BDNF: variants seen among roughly 807,000 people sequenced by gnomAD.
BDNF encodes neurotrophic factor BDNF precursor form.
Under a neutral mutation model 19.5 loss-of-function variants are expected in BDNF, and 1 was observed. That is an observed-to-expected ratio of 0.05 (90% CI 0.02 to 0.24). BDNF has a LOEUF of 0.24. Among genes scored for constraint, BDNF ranks in the 10% least tolerant of loss-of-function variants. The pLI is 1.00. For missense variants in BDNF, 195 were observed against 317.6 expected, an observed-to-expected ratio of 0.61 and a Z score of 2.93; for synonymous variants, 100 against 121.6, an observed-to-expected ratio of 0.82 and a Z score of 1.17.
chr11:27,663,383 G>T (rs1359116256), intron 1 of BDNF, among the ~76,000 whole-genome samples: 1 of 152,160 alleles, frequency 6.6e-6, no homozygotes, highest in South Asian at 2.1e-4. Context: ...ATTCAATATA[G>T]TACATAGAAC....
intron 1 of BDNF, among the ~76,000 whole-genome samples, chr11:27,707,552 T>C (rs1043338910): frequency 6.6e-6 from 1 of 152,174 alleles, no homozygotes; most frequent in African/African-American, 2.4e-5. Flanking sequence ...TTGCTGTAAG[T>C]AGGTACTTCT....
chr11:27,687,125 A>C (rs1308938584), intron 1 of BDNF, among the ~76,000 whole-genome samples: 1 of 151,526 alleles, frequency 6.6e-6, no homozygotes, highest in African/African-American at 2.4e-5. Context: ...TTTTTTCTCT[A>C]ATCTTGTCTT....
chr11:27,715,593 A>C (rs1437767034), intron 1 of BDNF, among the ~76,000 whole-genome samples: 1 of 152,230 alleles, frequency 6.6e-6, no homozygotes, highest in East Asian at 1.9e-4. Flanking sequence ...ATTTGTAAAA[A>C]ATGTTTTTAA....
Position 27,657,007 on chromosome 11 carries a change from C to CAGCTT in BDNF, c.*809_*813dup. The CAGCTT allele has an allele frequency of 1.0e-6, 1 of 985,410 alleles. No individual in the cohort carries two copies. The highest frequency in any genetic ancestry group is 1.2e-6 in the Non-Finnish European group (1 of 829,938). The allele number at this position is 985,410 out of a possible 1,614,324, so 61.0% of individuals were successfully genotyped here. Reference sequence around the variant, plus strand: ...CAAACATAGGTCCTTCCGTCAAAAGCAGCTTACTCTGACCAACGCCCAAAG... The same window carrying CAGCTT: ...CAAACATAGGTCCTTCCGTCAAAAGCAGCTTAGCTTACTCTGACCAACGCCCAAAG... On this transcript the variant is annotated 3_prime_UTR_variant, in exon 2 of 2. Transcript: ENST00000356660. The surrounding 1 kb of genome is among the most constrained non-coding windows in gnomAD (Gnocchi z 5.0).
chr11:27,684,511 A>C (rs1857238191), intron 1 of BDNF, among the ~76,000 whole-genome samples: 1 of 152,168 alleles, frequency 6.6e-6, no homozygotes, highest in African/African-American at 2.4e-5. Context: ...GCTTTTGCCC[A>C]TTCAGTATGA....
upstream of BDNF, chr11:27,700,788 G>A: frequency 6.7e-6 from 8 of 1,202,854 alleles, no homozygotes; most frequent in Non-Finnish European, 7.4e-6. Context: ...CTCAGCCCCG[G>A]GGAACCCCGC....
chr11:27,661,018 T>A (rs1451707912), intron 1 of BDNF, among the ~76,000 whole-genome samples: 2 of 152,218 alleles, frequency 1.3e-5, no homozygotes, highest in Non-Finnish European at 1.5e-5. Context: ...AATTAATGCT[T>A]TATATATTGT....
chr11:27,720,278 T>C (rs1335700669), intron 1 of BDNF: 3 of 969,368 alleles, frequency 3.1e-6, no homozygotes, highest in Non-Finnish European at 3.7e-6. Flanking sequence ...CCACGCGTCC[T>C]CTCCGGAAGA....
intron 1 of BDNF, among the ~76,000 whole-genome samples, chr11:27,660,616 C>T (rs997085500): frequency 6.6e-6 from 1 of 152,062 alleles, no homozygotes; most frequent in African/African-American, 2.4e-5. Context: ...ATACTTTAGC[C>T]ATCTACATCA....
Position 27,658,341 on chromosome 11 carries a change from T to C in BDNF, c.224A>G (p.Gln75Arg). 6.2e-7 allele frequency: 1 copy of C among 1,614,216 alleles called. No homozygotes were observed. Among genetic ancestry groups the C allele is most frequent in the Non-Finnish European group, 8.5e-7 (1 of 1,180,034 alleles). Residue 75 changes from glutamine to arginine, a missense_variant, in exon 2 of 2, where the codon CAG becomes CGG. This residue lies in a region of BDNF where 124 missense variants were observed against 155.0 expected (regional missense o/e 0.80). Coordinates refer to ENST00000356660, the MANE Select transcript of BDNF (RefSeq NM_001709.5). This position sits in a 1 kb window ranked among gnomAD's most constrained non-coding sequence, Gnocchi z 5.7. ...GTTTTCTTCATTGGGCCGAACTTTC[T>C]GGTCCTCATCCAACAGCTCTTCTAT... ...HVIEELLDED[Q>R]KVRPNEENNK...
At chr11:27,674,164 C>A in intron 1 of BDNF, 2 of 1,610,844 alleles carry the variant, frequency 1.2e-6, no homozygotes, top group Non-Finnish European at 1.7e-6. Context: ...CATACAGAAG[C>A]GTGTGGGTAG....
chr11:27,679,359 C>T lies in BDNF; in HGVS notation c.-21-20774G>A, dbSNP rs544994457. 2.2e-4 allele frequency among the ~76,000 whole-genome samples: 34 copies of T among 152,202 alleles called. No individual in the cohort carries two copies. The South Asian group carries it at 5.8e-3, about 26-fold the overall frequency. On this transcript the variant is annotated intron_variant, in intron 1 of 1. Transcript: ENST00000356660. ...TCTTACACAAGAGGCTTAAACTGCC[C>T]GTAAGTAAGAATTAAAGATATGTTA...
chr11:27,659,290 C>T (rs911683927), intron 1 of BDNF: 131 of 997,494 alleles, frequency 1.3e-4, no homozygotes, highest in Non-Finnish European at 1.6e-4. Flanking sequence ...TATGTTAGAA[C>T]TCAGGGCTCC....
intron 1 of BDNF, among the ~76,000 whole-genome samples, chr11:27,717,914 G>C (rs1468458261): frequency 6.6e-6 from 1 of 151,684 alleles, no homozygotes; most frequent in Non-Finnish European, 1.5e-5. Flanking sequence ...TGACACTTTT[G>C]AGGTTTATTT....
chr11:27,672,681 C>G (rs780100394), intron 1 of BDNF, among the ~76,000 whole-genome samples: 19 of 152,192 alleles, frequency 1.2e-4, no homozygotes, highest in Non-Finnish European at 2.6e-4. Flanking sequence ...CAAAATCTCT[C>G]TTCTTCGATA....
rs542237728 is a variant in BDNF at position 27,656,553 on chromosome 11, T to G, written c.*1268A>C. 47 of 985,714 alleles carry G rather than the reference T, an allele frequency of 4.8e-5. No homozygotes were observed. Among genetic ancestry groups the G allele is most frequent in the Non-Finnish European group, 5.5e-5 (46 of 829,952 alleles). 61.1% of individuals were successfully genotyped at this position (985,714 alleles called of 1,614,324 possible). On this transcript the variant is annotated 3_prime_UTR_variant, in exon 2 of 2. Coordinates refer to ENST00000356660, the MANE Select transcript of BDNF (RefSeq NM_001709.5). ...GACCTTGGGATGGCCACTCAGAAAT[T>G]CCTCCCGCACTGCCGGTAAATGCAA...
intron 1 of BDNF, among the ~76,000 whole-genome samples, chr11:27,697,170 G>C (rs139902238): frequency 0.16 from 22,390 of 143,902 alleles, 1,888 homozygotes; most frequent in Non-Finnish European, 0.22. Context: ...CACACAGAGA[G>C]AGAGAGAGAG....
chr11:27,700,573 T>A, upstream of BDNF: 3 of 821,498 alleles, frequency 3.7e-6, no homozygotes, highest in South Asian at 5.9e-5. Flanking sequence ...GCGCTACCGA[T>A]ACCCGTTCGA....
chr11:27,674,143 C>T, intron 1 of BDNF: 2 of 1,611,522 alleles, frequency 1.2e-6, no homozygotes, highest in Non-Finnish European at 1.7e-6. Context: ...TTCTGGGATG[C>T]ACAGTCATGC....
Sources: allele counts gnomAD v4.1 joint callset (sites outside exome capture counted in the v4.1 genomes callset), GRCh38; gene constraint gnomAD v4.1.1; regional missense constraint gnomAD v4.1.1; non-coding constraint Gnocchi (gnomAD v3.1); transcripts MANE v1.5; gene names NCBI Gene and HGNC (gene_info 2026-07-23, HGNC 2026-07-21).